The following RYR2 variants were observed in gnomAD, a reference collection of about 807,000 sequenced individuals.
The protein encoded by RYR2 is cardiac muscle ryanodine receptor-calcium release channel.
A neutral mutation model predicts 601.1 loss-of-function variants in RYR2; 227 were observed. That is an observed-to-expected ratio of 0.38 (90% CI 0.34 to 0.42). The LOEUF (loss-of-function observed/expected upper bound fraction) is 0.42, where lower values mean the gene tolerates loss of function less well. Among genes scored for constraint, RYR2 ranks in the 10% least tolerant of loss-of-function variants. The pLI is 1.00. For synonymous variants in RYR2, 2,223 were observed against 2,175.1 expected (o/e 1.02, Z -0.61); for missense variants, 4,646 against 6,156.5 (o/e 0.75, Z 8.21).
Position 237,723,147 on chromosome 1 carries a change from G to A in RYR2, c.10574G>A (p.Arg3525Lys), listed in dbSNP as rs2149125484. The A allele has an allele frequency of 6.2e-7, 1 of 1,609,282 alleles. No homozygotes were observed. The highest frequency in any genetic ancestry group is 2.2e-5 in the East Asian group (1 of 44,800). ...LQGKLEDPAI[R>K]WQMALYKDLP... is the part of the protein sequence containing the mutation. ...CTGCAGTTGGAGGATCCTGCTATTAGATGGCAAATGGCTCTTTACAAAGAC... is the reference window on the plus strand; with the variant it reads ...CTGCAGTTGGAGGATCCTGCTATTAAATGGCAAATGGCTCTTTACAAAGAC... Residue 3525 changes from arginine to lysine, a missense_variant, in exon 74 of 105, where the codon AGA becomes AAA. By Grantham distance (26) the Arg-to-Lys change is conservative (BLOSUM62 2). This residue lies in a region of RYR2 where 1,497 missense variants were observed against 1,842.6 expected (regional missense o/e 0.81). Transcript: ENST00000366574.
At chr1:237,820,140 T>C (rs1356492999) in intron 101 of RYR2, among the ~76,000 whole-genome samples, 2 of 145,098 alleles carry the variant, frequency 1.4e-5, no homozygotes, top group African/African-American at 2.6e-5. Context: ...TGAGCAGAGA[T>C]TGCACCATTG....
chr1:237,392,041 T>C (rs1162673615), intron 10 of RYR2, among the ~76,000 whole-genome samples: 3 of 152,072 alleles, frequency 2.0e-5, no homozygotes, highest in Admixed American at 2.0e-4. Context: ...ACAACAAAAA[T>C]AGTAAAAATA....
intron 1 of RYR2, among the ~76,000 whole-genome samples, chr1:237,203,548 A>G (rs1681435286): frequency 6.6e-6 from 1 of 152,202 alleles, no homozygotes; most frequent in South Asian, 2.1e-4. Context: ...AATCTATACA[A>G]TTATTTGCCC....
chr1:237,506,227 AC>A (rs1665223599), intron 22 of RYR2, among the ~76,000 whole-genome samples: 1 of 150,852 alleles, frequency 6.6e-6, no homozygotes, highest in Non-Finnish European at 1.5e-5. Context: ...AAAAAAAGGT[AC>A]CAAAATTTAT....
At chr1:237,515,848 CTCT>C (rs1294004774) in intron 24 of RYR2, among the ~76,000 whole-genome samples, 2 of 109,606 alleles carry the variant, frequency 1.8e-5, no homozygotes, top group South Asian at 3.3e-4. Flanking sequence ...CTCCTCCTCC[CTCT>C]TCTTCTCTTC....
chr1:237,827,874 T>A (rs866482329), intron 101 of RYR2, among the ~76,000 whole-genome samples: 1 of 131,782 alleles, frequency 7.6e-6, no homozygotes, highest in South Asian at 2.6e-4. Context: ...GAGGCGGAGC[T>A]TGCAGTGAGC....
At chr1:237,573,490 A>T (rs1257519460) in intron 29 of RYR2, among the ~76,000 whole-genome samples, 2 of 150,154 alleles carry the variant, frequency 1.3e-5, no homozygotes, top group Non-Finnish European at 3.0e-5. Context: ...AGTTAAATCC[A>T]GGGGGGAGCT....
chr1:237,448,061 G>A (rs937997477), intron 14 of RYR2, among the ~76,000 whole-genome samples: 60 of 152,004 alleles, frequency 3.9e-4, no homozygotes, highest in African/African-American at 1.4e-3. Flanking sequence ...CAAGTGGCTA[G>A]GATTACAGGT....
At chr1:237,176,010 T>C (rs1418021198) in intron 1 of RYR2, among the ~76,000 whole-genome samples, 2 of 151,992 alleles carry the variant, frequency 1.3e-5, no homozygotes, top group South Asian at 2.1e-4. Flanking sequence ...GGTGGGAGGA[T>C]TGCTTGAGCC....
intron 102 of RYR2, chr1:237,829,885 C>T (rs1382988024): frequency 1.3e-5 from 2 of 152,080 alleles, no homozygotes; most frequent in Non-Finnish European, 2.9e-5. Context: ...AGCAGGTGCC[C>T]CTCTACAGGG....
chr1:237,350,562 ACT>A (rs1698682810), intron 3 of RYR2, among the ~76,000 whole-genome samples: 1 of 111,676 alleles, frequency 9.0e-6, no homozygotes, highest in South Asian at 3.3e-4. Context: ...CAAAAGTAAG[ACT>A]CTGTCTCAAA....
chr1:237,325,993 G>A (rs933205068), intron 2 of RYR2, among the ~76,000 whole-genome samples: 7 of 152,154 alleles, frequency 4.6e-5, no homozygotes, highest in African/African-American at 7.2e-5. Context: ...TAATGAGAAG[G>A]ATGGTGGCTT....
chr1:237,587,757 C>A (rs1013709661), intron 29 of RYR2, among the ~76,000 whole-genome samples: 6 of 152,112 alleles, frequency 3.9e-5, no homozygotes, highest in Non-Finnish European at 7.4e-5. Context: ...GAAAGTATTT[C>A]AAATATGCAG....
intron 3 of RYR2, among the ~76,000 whole-genome samples, chr1:237,342,081 T>C (rs1264821285): frequency 2.0e-5 from 3 of 152,170 alleles, no homozygotes; most frequent in African/African-American, 4.8e-5. Flanking sequence ...TATGCACGCA[T>C]ACAAAATCTT....
At chr1:237,794,092 A>G in intron 95 of RYR2, 95 bp downstream of exon 95, 1 of 1,061,932 alleles carries the variant, frequency 9.4e-7, no homozygotes, top group South Asian at 1.4e-5. Flanking sequence ...AAAGTTTAGC[A>G]GAGGTGAATA....
At chr1:237,579,702 T>A (rs1413789144) in intron 29 of RYR2, among the ~76,000 whole-genome samples, 2 of 152,170 alleles carry the variant, frequency 1.3e-5, no homozygotes, top group African/African-American at 2.4e-5. Flanking sequence ...TAAAATGAAG[T>A]CAGTAATTAA....
intron 2 of RYR2, among the ~76,000 whole-genome samples, chr1:237,303,479 T>A (rs1693573462): frequency 6.6e-6 from 1 of 151,944 alleles, no homozygotes; most frequent in African/African-American, 2.4e-5. Flanking sequence ...TTTGTATTTT[T>A]AGTAGAGACG....
chr1:237,301,329 T>C (rs1239608804), intron 2 of RYR2, among the ~76,000 whole-genome samples: 1 of 152,146 alleles, frequency 6.6e-6, no homozygotes, highest in Non-Finnish European at 1.5e-5. Flanking sequence ...TAGTTTATTG[T>C]GTTTTGTGAG....
chr1:237,128,680 C>T (rs1204871734), intron 1 of RYR2, among the ~76,000 whole-genome samples: 4 of 152,088 alleles, frequency 2.6e-5, no homozygotes, highest in Non-Finnish European at 4.4e-5. Context: ...CCGTGGCTGC[C>T]AGAATAGACT....
Sources: gnomAD v4.1 joint callset for allele counts (sites outside exome capture counted in the v4.1 genomes callset) on GRCh38, gnomAD v4.1.1 for gene constraint, gnomAD v4.1.1 regional missense constraint, MANE v1.5 for transcripts, NCBI Gene and HGNC (gene_info 2026-07-23, HGNC 2026-07-21) for gene names.